YEATS2: variants seen among roughly 807,000 people sequenced by gnomAD.
The protein encoded by YEATS2 is YEATS domain containing 2.
A neutral mutation model predicts 163.2 loss-of-function variants in YEATS2; 77 were observed. The observed-to-expected ratio is 0.47, with a 90% CI of 0.39 to 0.57. YEATS2 has a LOEUF of 0.57. Ranked by LOEUF, YEATS2 falls within the 20% of genes least tolerant of loss-of-function variation. YEATS2 has a pLI of 0.00. For synonymous variants in YEATS2, 631 were observed against 645.1 expected (o/e 0.98, Z 0.33); for missense variants, 1,549 against 1,729.8 (o/e 0.90, Z 1.85).
intron 20 of YEATS2, among the ~76,000 whole-genome samples, chr3:183,789,827 C>G (rs1376485721): frequency 2.0e-5 from 3 of 152,096 alleles, no homozygotes; most frequent in Non-Finnish European, 4.4e-5. Flanking sequence ...GCATGAGCCA[C>G]TGCACCTGGC....
intron 1 of YEATS2, among the ~76,000 whole-genome samples, chr3:183,706,713 G>C (rs946409333): frequency 2.6e-5 from 4 of 152,218 alleles, no homozygotes; most frequent in Admixed American, 2.6e-4. Context: ...CTACCCAGGA[G>C]GCTGAGGCAG....
In YEATS2 at chr3:183,807,108, T is replaced by G. The variant is rs1299573756; in HGVS notation, c.4011+16T>G. On this transcript the variant is annotated intron_variant, in intron 28 of 30. Transcript: ENST00000305135. Reference sequence around the variant, plus strand: ...CACACAGAAGGTAGGGGTTGTGGTGTTAATAGTTCATGCAGCAGACCAGCT... The same window carrying G: ...CACACAGAAGGTAGGGGTTGTGGTGGTAATAGTTCATGCAGCAGACCAGCT... The G allele has an allele frequency of 8.1e-6, 13 of 1,605,202 alleles. No homozygotes were observed. Among genetic ancestry groups the G allele is most frequent in the East Asian group, 2.2e-5 (1 of 44,758 alleles).
At chr3:183,760,082 T>C (rs1721182376) in intron 13 of YEATS2, among the ~76,000 whole-genome samples, 1 of 152,184 alleles carries the variant, frequency 6.6e-6, no homozygotes. Flanking sequence ...ATTGAATGAC[T>C]TCCTGGTCCA....
intron 19 of YEATS2, among the ~76,000 whole-genome samples, chr3:183,779,686 A>T (rs1217141452): frequency 6.7e-6 from 1 of 148,620 alleles, no homozygotes; most frequent in Non-Finnish European, 1.5e-5. Context: ...CTTTATTTTT[A>T]TTTATTTATT....
chr3:183,705,994 G>T (rs1360276683), intron 1 of YEATS2, among the ~76,000 whole-genome samples: 1 of 150,464 alleles, frequency 6.6e-6, no homozygotes, highest in African/African-American at 2.5e-5. Context: ...AGCCAAGATC[G>T]CACCACTGCA....
intron 4 of YEATS2, 139 bp downstream of exon 4, chr3:183,718,731 C>G (rs1016660905): frequency 1.8e-5 from 13 of 703,362 alleles, no homozygotes; most frequent in Non-Finnish European, 3.0e-5. Context: ...CGGAGTCTCG[C>G]TGTGTCACCC....
intron 20 of YEATS2, among the ~76,000 whole-genome samples, chr3:183,789,749 C>T (rs2108476324): frequency 6.6e-6 from 1 of 151,498 alleles, no homozygotes; most frequent in South Asian, 2.1e-4. Context: ...CCATGTTAGC[C>T]AGGAGGGTCT....
rs1325327449 is a variant in YEATS2, at chr3:183,812,514, G to T, written c.*1931G>T. On this transcript the variant is annotated 3_prime_UTR_variant, in exon 31 of 31. Coordinates refer to ENST00000305135, the MANE Select transcript of YEATS2 (RefSeq NM_018023.5). The stretch of plus-strand genomic sequence containing the variant: ...CTAAAGAAATTATCTTTTTGCAAAA[G>T]AAATATTAAATGATTTAGCAGTCTC... The T allele has an allele frequency of 6.6e-6, 1 of 152,638 alleles. No individual in the cohort carries two copies. The highest frequency in any genetic ancestry group is 1.5e-5 in the Non-Finnish European group (1 of 68,026). 9.5% of individuals were successfully genotyped at this position (152,638 alleles called of 1,614,324 possible). A position where few individuals can be genotyped will look rare whatever the true frequency, so the allele number is the denominator to read the frequency against.
chr3:183,806,789 C>A (rs1726251279), intron 27 of YEATS2, 77 bp from the exon 28 acceptor site: 2 of 1,491,214 alleles, frequency 1.3e-6, no homozygotes, highest in South Asian at 2.4e-5. Flanking sequence ...CTTCCTCAGA[C>A]CATGGGTCTC....
chr3:183,702,347 T>C (rs1357403659), intron 1 of YEATS2, among the ~76,000 whole-genome samples: 1 of 151,998 alleles, frequency 6.6e-6, no homozygotes, highest in Non-Finnish European at 1.5e-5. Context: ...TGGGAGGCTG[T>C]GGCTGGAGAA....
At chr3:183,773,607 C>A in intron 16 of YEATS2, 26 bp from the exon 17 acceptor site, 1 of 1,561,302 alleles carries the variant, frequency 6.4e-7, no homozygotes. Flanking sequence ...ATTTATCTTA[C>A]AATTTTTTCT....
chr3:183,752,778 A>G (rs774047317), intron 10 of YEATS2, among the ~76,000 whole-genome samples: 2 of 151,620 alleles, frequency 1.3e-5, no homozygotes, highest in Admixed American at 6.6e-5. Flanking sequence ...GCTAAAAAAC[A>G]TAAGATTTTT....
At position 183,797,990 on chromosome 3, in the gene YEATS2, C is replaced by G. The variant is rs1214397356; in HGVS notation, c.3165C>G (p.Leu1055=). 1 of 1,614,166 alleles carries G rather than the reference C, an allele frequency of 6.2e-7. No homozygotes were observed. The highest frequency in any genetic ancestry group is 8.5e-7 in the Non-Finnish European group (1 of 1,180,008). Residue 1055 remains leucine, a synonymous_variant, in exon 22 of 31, where the codon CTC becomes CTG. Transcript: ENST00000305135. The part of the protein sequence containing the change: ...QQAVLTIPSQ[L]KPLSVNTSGG... ...CCGTCCTGACGATTCCCAGCCAGCT[C>G]AAACCACTCAGCGTAAACACATCTG... is the stretch of plus-strand genomic sequence containing the variant.
In YEATS2 at chr3:183,777,628, C is replaced by T. The variant is rs753424195; in HGVS notation, c.2664C>T (p.Val888=). 4 of 1,614,146 alleles carry T rather than the reference C, an allele frequency of 2.5e-6. No homozygotes were observed. The South Asian group carries it at 3.3e-5, about 13-fold the overall frequency. ...CAGTGGTCCAAGGAACACTGGGAGT[C>T]AGCACATCTTCTGCACAAGGACAAC... The part of the protein sequence containing the change: ...TGSVVQGTLG[V]STSSAQGQQT... Residue 888 remains valine, a synonymous_variant, in exon 19 of 31, where the codon GTC becomes GTT. Transcript: ENST00000305135.
rs1713619778 is a variant in YEATS2, at chr3:183,697,798, A to C, written c.-215A>C. On this transcript the variant is annotated 5_prime_UTR_variant, in exon 1 of 31. Coordinates refer to ENST00000305135, the MANE Select transcript of YEATS2 (RefSeq NM_018023.5). ...CGCGCGCGCCGCCGCGCGCGCCCCG[A>C]CGCGCCCAGCTGCTGACGTGCGGGG... 1 of 148,926 alleles carries C rather than the reference A, an allele frequency of 6.7e-6. No individual in the cohort carries two copies. The highest frequency in any genetic ancestry group is 6.7e-5 in the Admixed American group (1 of 14,984). 9.2% of individuals were successfully genotyped at this position (148,926 alleles called of 1,614,324 possible). A position where few individuals can be genotyped will look rare whatever the true frequency, so the allele number is the denominator to read the frequency against.
intron 15 of YEATS2, among the ~76,000 whole-genome samples, chr3:183,770,904 C>T (rs190754033): frequency 6.6e-6 from 1 of 152,304 alleles, no homozygotes; most frequent in Non-Finnish European, 1.5e-5. Flanking sequence ...GTCCATTCCT[C>T]TATCTGTAGA....
At chr3:183,794,044 A>G (rs1303384681) in intron 21 of YEATS2, among the ~76,000 whole-genome samples, 2 of 152,218 alleles carry the variant, frequency 1.3e-5, no homozygotes, top group Admixed American at 6.5e-5. Context: ...AGCAACGGAG[A>G]GAGCATAAGG....
chr3:183,751,815 A>G (rs1267462319), intron 9 of YEATS2, among the ~76,000 whole-genome samples: 1 of 152,228 alleles, frequency 6.6e-6, no homozygotes, highest in African/African-American at 2.4e-5. Context: ...AGCAAAATCA[A>G]GAGGTCCCAA....
At position 183,748,285 on chromosome 3, in the gene YEATS2, C is replaced by T. The variant is rs185440885; in HGVS notation, c.969+569C>T. Among the ~76,000 whole-genome samples the T allele has an allele frequency of 1.1e-3, 157 of 142,078 alleles. 5 individuals carry two copies. In the East Asian group the frequency reaches 0.03, roughly 27 times the overall value. The allele number at this position is 142,078 out of a possible 152,430, so 93.2% of individuals were successfully genotyped here. On this transcript the variant is annotated intron_variant, in intron 9 of 30. Transcript: ENST00000305135. The stretch of plus-strand genomic sequence containing the variant: ...TTTTTTTTTTTTTGAGAGGGAGTGA[C>T]GCTCTGTTGCCCAGGCTGGAGTGCA...
Sources: allele counts gnomAD v4.1 joint callset (sites outside exome capture counted in the v4.1 genomes callset), GRCh38; gene constraint gnomAD v4.1.1; transcripts MANE v1.5; gene names NCBI Gene and HGNC (gene_info 2026-07-23, HGNC 2026-07-21).